Variants in CADM2 observed in about 807,000 individuals in gnomAD.
CADM2 encodes immunoglobulin superfamily member 4D.
A neutral mutation model predicts 49.8 loss-of-function variants in CADM2; 12 were observed. That is an observed-to-expected ratio of 0.24 (90% CI 0.15 to 0.39). The LOEUF (loss-of-function observed/expected upper bound fraction) is 0.39, where lower values mean the gene tolerates loss of function less well. Among genes scored for constraint, CADM2 ranks in the 10% least tolerant of loss-of-function variants. The pLI is 1.00. For missense variants in CADM2, 378 were observed against 492.3 expected, an observed-to-expected ratio of 0.77 and a Z score of 2.20; for synonymous variants, 214 against 175.4, an observed-to-expected ratio of 1.22 and a Z score of -1.74.
chr3:85,948,512 T>C (rs1467993116), intron 7 of CADM2, among the ~76,000 whole-genome samples: 2 of 151,448 alleles, frequency 1.3e-5, no homozygotes, highest in Non-Finnish European at 3.0e-5. Context: ...AGAATCACTT[T>C]AGAGATGTGC....
intron 1 of CADM2, among the ~76,000 whole-genome samples, chr3:85,702,510 A>G (rs1483255230): frequency 6.6e-6 from 1 of 152,108 alleles, no homozygotes; most frequent in Non-Finnish European, 1.5e-5. Context: ...ATCAGGTTTC[A>G]TCTTTTCAAT....
At chr3:85,450,125 A>G (rs1326802864) in intron 1 of CADM2, among the ~76,000 whole-genome samples, 1 of 152,176 alleles carries the variant, frequency 6.6e-6, no homozygotes, top group Non-Finnish European at 1.5e-5. Context: ...GAAACATCAA[A>G]TCAGTGAAGA....
chr3:85,451,379 A>G (rs1337757367), intron 1 of CADM2, among the ~76,000 whole-genome samples: 1 of 152,158 alleles, frequency 6.6e-6, no homozygotes, highest in Non-Finnish European at 1.5e-5. Context: ...GAAAAGGAAT[A>G]TATTTAAATG....
chr3:85,049,558 G>GC (rs1173126395), intron 1 of CADM2, among the ~76,000 whole-genome samples: 8 of 151,778 alleles, frequency 5.3e-5, no homozygotes, highest in Non-Finnish European at 1.2e-4. Flanking sequence ...CACTATGTTG[G>GC]CCAGACTGGT....
chr3:85,230,482 T>C (rs1489077462), intron 1 of CADM2, among the ~76,000 whole-genome samples: 1 of 152,216 alleles, frequency 6.6e-6, no homozygotes, highest in African/African-American at 2.4e-5. Context: ...TTAGTGATTT[T>C]ACTTAGTATT....
intron 1 of CADM2, among the ~76,000 whole-genome samples, chr3:85,084,723 A>G (rs2200463): frequency 0.12 from 18,221 of 152,176 alleles, 2,166 homozygotes; most frequent in African/African-American, 0.31. Flanking sequence ...TTAAAATTAT[A>G]TATGTGACTA....
chr3:85,244,402 A>G (rs2042602775), intron 1 of CADM2, among the ~76,000 whole-genome samples: 1 of 152,178 alleles, frequency 6.6e-6, no homozygotes, highest in African/African-American at 2.4e-5. Flanking sequence ...CCAAATATGC[A>G]AATCTTTCTA....
At chr3:85,080,251 A>G (rs2037113042) in intron 1 of CADM2, among the ~76,000 whole-genome samples, 1 of 151,982 alleles carries the variant, frequency 6.6e-6, no homozygotes, top group South Asian at 2.1e-4. Context: ...TAGAAATTTC[A>G]TTACATGCCT....
At chr3:85,475,601 A>G (rs2038944745) in intron 1 of CADM2, among the ~76,000 whole-genome samples, 1 of 151,882 alleles carries the variant, frequency 6.6e-6, no homozygotes, top group South Asian at 2.1e-4. Flanking sequence ...TTTCTATTAA[A>G]CTATCATTAA....
intron 1 of CADM2, among the ~76,000 whole-genome samples, chr3:85,501,767 G>T (rs546124924): frequency 6.6e-6 from 1 of 151,892 alleles, no homozygotes. Flanking sequence ...TTAATACTTT[G>T]CCAGTGGTTG....
intron 1 of CADM2, among the ~76,000 whole-genome samples, chr3:85,632,408 T>C (rs2064341466): frequency 6.6e-6 from 1 of 152,114 alleles, no homozygotes; most frequent in Non-Finnish European, 1.5e-5. Flanking sequence ...AAACAACTTC[T>C]TAAATAAATT....
At chr3:85,038,374 A>G (rs560403616) in intron 1 of CADM2, among the ~76,000 whole-genome samples, 1 of 152,340 alleles carries the variant, frequency 6.6e-6, no homozygotes, top group African/African-American at 2.4e-5. Flanking sequence ...AGAATATAAC[A>G]AGCACTTAAT....
At position 85,239,331 on chromosome 3, in the gene CADM2, G is replaced by A. The variant is rs188031501; in HGVS notation, c.61+279663G>A. 1.9e-4 allele frequency among the ~76,000 whole-genome samples: 29 copies of A among 151,796 alleles called. No individual in the cohort carries two copies. In the East Asian group the frequency reaches 5.0e-3, roughly 26 times the overall value. ...GGCAGACTGTGTGAAAAACATAAAT[G>A]AAGATATAATATTGGTTATTTCAAA... On this transcript the variant is annotated intron_variant, in intron 1 of 9. Coordinates refer to ENST00000383699, the MANE Select transcript of CADM2 (RefSeq NM_001167675.2).
At chr3:86,060,577 C>G (rs1322502350) in intron 8 of CADM2, among the ~76,000 whole-genome samples, 6 of 152,180 alleles carry the variant, frequency 3.9e-5, no homozygotes, top group Non-Finnish European at 7.3e-5. Flanking sequence ...ATTTTTGAGA[C>G]AGGAACTCTG....
chr3:85,189,889 T>G (rs1365053780), intron 1 of CADM2, among the ~76,000 whole-genome samples: 1 of 143,682 alleles, frequency 7.0e-6, no homozygotes, highest in Non-Finnish European at 1.5e-5. Flanking sequence ...ATTATCAGTA[T>G]CAGTTCCTTT....
At chr3:85,614,748 A>G (rs2063758056) in intron 1 of CADM2, among the ~76,000 whole-genome samples, 1 of 151,886 alleles carries the variant, frequency 6.6e-6, no homozygotes, top group Admixed American at 6.6e-5. Context: ...TCATGTAAAG[A>G]CAGTGTTGAC....
intron 1 of CADM2, among the ~76,000 whole-genome samples, chr3:85,562,321 A>G (rs1018001161): frequency 3.9e-5 from 6 of 152,052 alleles, no homozygotes; most frequent in Non-Finnish European, 7.4e-5. Flanking sequence ...TCTACTAAAA[A>G]TACAAAATTA....
rs532122792 is a variant in CADM2, at chr3:85,234,249, CCAATTA to C, written c.61+274582_61+274587del. Among the ~76,000 whole-genome samples the C allele has an allele frequency of 1.2e-3, 185 of 152,030 alleles. 1 individual carries two copies. Among genetic ancestry groups the C allele is most frequent in the African/African-American group, 4.0e-3 (167 of 41,500 alleles). On this transcript the variant is annotated intron_variant, in intron 1 of 9. Coordinates refer to ENST00000383699, the MANE Select transcript of CADM2 (RefSeq NM_001167675.2). ...CTACCATTTCAACTTATTTTTGTCC[CCAATTA>C]AAACACTTAAACGTTTATAATATTG...
At chr3:85,658,576 G>GTGTGTA (rs1460728518) in intron 1 of CADM2, among the ~76,000 whole-genome samples, 3 of 68,756 alleles carry the variant, frequency 4.4e-5, no homozygotes, top group African/African-American at 1.7e-4. Flanking sequence ...GGATATATGT[G>GTGTGTA]TATATATATA....
Sources: gnomAD v4.1 joint callset for allele counts (sites outside exome capture counted in the v4.1 genomes callset) on GRCh38, gnomAD v4.1.1 for gene constraint, MANE v1.5 for transcripts, NCBI Gene and HGNC (gene_info 2026-07-23, HGNC 2026-07-21) for gene names.